RXFP2: variants seen among roughly 807,000 people sequenced by gnomAD.
The protein encoded by RXFP2 is relaxin receptor 2.
In RXFP2, 68 loss-of-function variants were observed where a neutral mutation model predicts 88.6. The observed-to-expected ratio is 0.77, with a 90% CI of 0.63 to 0.94. RXFP2 has a LOEUF of 0.94. Ranked by LOEUF, RXFP2 falls within the 40% of genes least tolerant of loss-of-function variation. The probability of loss-of-function intolerance (pLI) is 0.00; values close to 1 mark genes in which losing one functional copy is unlikely to be tolerated. For synonymous variants in RXFP2, 329 were observed against 306.8 expected (o/e 1.07, Z -0.76); for missense variants, 791 against 893.9 (o/e 0.88, Z 1.47).
chr13:31,749,170 C>T (rs1871556654), intron 1 of RXFP2, among the ~76,000 whole-genome samples: 1 of 152,090 alleles, frequency 6.6e-6, no homozygotes, highest in South Asian at 2.1e-4. Context: ...TATTGTTTCT[C>T]CTTTCATATT....
chr13:31,771,973 C>T (rs1872752037), intron 5 of RXFP2, among the ~76,000 whole-genome samples: 1 of 147,508 alleles, frequency 6.8e-6, no homozygotes, highest in African/African-American at 2.5e-5. Context: ...AAACAAATTC[C>T]TAAATCAAAA....
intron 1 of RXFP2, among the ~76,000 whole-genome samples, chr13:31,755,255 T>C (rs1170020710): frequency 2.6e-5 from 4 of 152,188 alleles, no homozygotes; most frequent in African/African-American, 7.2e-5. Context: ...TAGGGGATCA[T>C]GAAATCAACT....
At chr13:31,774,475 T>C (rs372370743) in intron 5 of RXFP2, 145 bp from the exon 6 acceptor site, 7 of 677,792 alleles carry the variant, frequency 1.0e-5, no homozygotes, top group African/African-American at 3.5e-5. Flanking sequence ...CATTTCTCAC[T>C]GACAACATCT....
chr13:31,788,205 A>G (rs1873639688), intron 13 of RXFP2, among the ~76,000 whole-genome samples: 1 of 152,174 alleles, frequency 6.6e-6, no homozygotes, highest in Admixed American at 6.5e-5. Flanking sequence ...GGGCCATGCA[A>G]TTACTCAGTA....
chr13:31,776,300 G>A (rs1241971783), intron 7 of RXFP2, among the ~76,000 whole-genome samples: 9 of 124,326 alleles, frequency 7.2e-5, no homozygotes, highest in Admixed American at 6.6e-4. Flanking sequence ...CTGTCACACA[G>A]GCTGGAGTGC....
chr13:31,787,675 T>C lies in RXFP2; in HGVS notation c.1073+1038T>C, dbSNP rs555917053. On this transcript the variant is annotated intron_variant, in intron 13 of 17. Coordinates refer to ENST00000298386, the MANE Select transcript of RXFP2 (RefSeq NM_130806.5). ...TTTCTTTTGAGACAGAGTCTCGCCCTGTCGCCCAGGCTAGAGTGCAATGGC... is the reference window on the plus strand; with the variant it reads ...TTTCTTTTGAGACAGAGTCTCGCCCCGTCGCCCAGGCTAGAGTGCAATGGC... Among the ~76,000 whole-genome samples the C allele has an allele frequency of 3.9e-5, 6 of 152,354 alleles. No homozygotes were observed. The East Asian group carries it at 7.7e-4, about 20-fold the overall frequency.
intron 16 of RXFP2, among the ~76,000 whole-genome samples, chr13:31,794,966 C>A (rs1873959641): frequency 6.6e-6 from 1 of 151,926 alleles, no homozygotes; most frequent in African/African-American, 2.4e-5. Context: ...TCCCAGAGCT[C>A]TAAAGTACAA....
intron 17 of RXFP2, among the ~76,000 whole-genome samples, chr13:31,799,308 T>G (rs192528648): frequency 1.3e-5 from 2 of 151,992 alleles, no homozygotes; most frequent in African/African-American, 4.8e-5. Context: ...GCCTCCCTGG[T>G]TCAAGCGATT....
intron 1 of RXFP2, among the ~76,000 whole-genome samples, chr13:31,753,383 T>C (rs1178708774): frequency 6.6e-6 from 1 of 152,140 alleles, no homozygotes; most frequent in Non-Finnish European, 1.5e-5. Context: ...TCCAGAATAT[T>C]GACCAGAAGA....
At chr13:31,799,336 C>T (rs1332917508) in intron 17 of RXFP2, among the ~76,000 whole-genome samples, 1 of 152,100 alleles carries the variant, frequency 6.6e-6, no homozygotes, top group Non-Finnish European at 1.5e-5. Flanking sequence ...CTCAGCCTCC[C>T]GAGTAGCTGG....
In RXFP2 at chr13:31,761,751, T is replaced by C; in HGVS notation, c.269T>C (p.Phe90Ser). 6.2e-7 allele frequency: 1 copy of C among 1,613,278 alleles called. No homozygotes were observed. The highest frequency in any genetic ancestry group is 8.5e-7 in the Non-Finnish European group (1 of 1,179,290). The change falls in exon 3 of 18, where the codon TTT (phenylalanine) becomes TCT (serine). Residue 90 changes from phenylalanine to serine, a missense_variant. Phe to Ser is a radical substitution (Grantham distance 155). Coordinates refer to ENST00000298386, the MANE Select transcript of RXFP2 (RefSeq NM_130806.5). ...CGDTSGWATI[F>S]GTVHGNANSV... is the part of the protein sequence containing the mutation. The stretch of plus-strand genomic sequence containing the variant: ...GACACTAGTGGATGGGCGACCATAT[T>C]TGGCACAGTGCATGGAAATGCTAAC...
intron 16 of RXFP2, among the ~76,000 whole-genome samples, chr13:31,793,688 A>G (rs968474838): frequency 7.2e-5 from 11 of 152,102 alleles, no homozygotes; most frequent in African/African-American, 2.4e-4. Context: ...AAAGTTAAAA[A>G]CACTTTTTTT....
rs111687745 is a variant in RXFP2, at chr13:31,762,449, A to G, written c.319+648A>G. Among the ~76,000 whole-genome samples, 429 of 152,288 alleles carry G rather than the reference A, an allele frequency of 2.8e-3. 3 individuals carry two copies. The highest frequency in any genetic ancestry group is 1.0e-2 in the African/African-American group (415 of 41,568). ...AGGATGCCTCTTCACAACCATTCTG[A>G]GTGCATGAGGTGGAGGGGCAGGAGC... On this transcript the variant is annotated intron_variant, in intron 3 of 17. Coordinates refer to ENST00000298386, the MANE Select transcript of RXFP2 (RefSeq NM_130806.5).
chr13:31,762,645 T>C (rs1872353372), intron 3 of RXFP2, among the ~76,000 whole-genome samples: 1 of 152,156 alleles, frequency 6.6e-6, no homozygotes, highest in South Asian at 2.1e-4. Flanking sequence ...TATGTAAATG[T>C]ATATATATAA....
intron 5 of RXFP2, among the ~76,000 whole-genome samples, chr13:31,774,326 C>T (rs972594667): frequency 6.6e-6 from 1 of 152,182 alleles, no homozygotes; most frequent in Non-Finnish European, 1.5e-5. Context: ...CAGAACAGGA[C>T]GGTCACCATA....
At position 31,799,194 on chromosome 13, in the gene RXFP2, C is replaced by T. The variant is rs1043533367; in HGVS notation, c.2005+1775C>T. Among the ~76,000 whole-genome samples, 11 of 151,148 alleles carry T rather than the reference C, an allele frequency of 7.3e-5. No homozygotes were observed. The East Asian group carries it at 2.1e-3, about 29-fold the overall frequency. On this transcript the variant is annotated intron_variant, in intron 17 of 17. Transcript: ENST00000298386. ...GGGGATCAGTCTCATCAACCCCCTC[C>T]CCACTACTGTCTCCACACTTTCTTC... is the stretch of plus-strand genomic sequence containing the variant.
chr13:31,777,220 T>G (rs1268009987), intron 7 of RXFP2, among the ~76,000 whole-genome samples, 156 bp from the exon 8 acceptor site: 5 of 152,096 alleles, frequency 3.3e-5, no homozygotes, highest in Non-Finnish European at 5.9e-5. Context: ...AGGAAAGAGT[T>G]GCTCCAACCA....
At chr13:31,770,594 CACA>C (rs1872700411) in intron 5 of RXFP2, among the ~76,000 whole-genome samples, 1 of 152,156 alleles carries the variant, frequency 6.6e-6, no homozygotes, top group Admixed American at 6.5e-5. Context: ...TATATTATCT[CACA>C]ACATTATAAA....
chr13:31,786,758 C>T, intron 13 of RXFP2, 121 bp downstream of exon 13: 1 of 682,132 alleles, frequency 1.5e-6, no homozygotes, highest in Non-Finnish European at 2.6e-6. Flanking sequence ...GTCTGAATCA[C>T]AGATCCCATC....
Sources: gnomAD v4.1 joint callset for allele counts (sites outside exome capture counted in the v4.1 genomes callset) on GRCh38, gnomAD v4.1.1 for gene constraint, MANE v1.5 for transcripts, NCBI Gene and HGNC (gene_info 2026-07-23, HGNC 2026-07-21) for gene names.